CHCHD3: variants seen among roughly 807,000 people sequenced by gnomAD.
CHCHD3 encodes coiled-coil-helix-coiled-coil-helix domain containing 3, also known as MICOS complex subunit MIC19.
In CHCHD3, 20 loss-of-function variants were observed where a neutral mutation model predicts 38.2. The observed-to-expected ratio is 0.52, with a 90% CI of 0.37 to 0.76. CHCHD3 has a LOEUF of 0.76. Among genes scored for constraint, CHCHD3 ranks in the 30% least tolerant of loss-of-function variants. The pLI is 0.00. For synonymous variants in CHCHD3, 82 were observed against 100.0 expected (o/e 0.82, Z 1.07); for missense variants, 245 against 279.2 (o/e 0.88, Z 0.87).
intron 4 of CHCHD3, among the ~76,000 whole-genome samples, chr7:132,951,835 G>A (rs1183848765): frequency 1.3e-5 from 2 of 152,124 alleles, no homozygotes; most frequent in Admixed American, 6.5e-5. Context: ...GGAAACTGAA[G>A]CTCAGGTAAG....
At chr7:132,877,100 T>A (rs1183369674) in intron 5 of CHCHD3, among the ~76,000 whole-genome samples, 2 of 152,064 alleles carry the variant, frequency 1.3e-5, no homozygotes, top group East Asian at 3.9e-4. Flanking sequence ...TCCTCTAAAG[T>A]TAGACATAGA....
intron 2 of CHCHD3, among the ~76,000 whole-genome samples, chr7:133,060,360 G>A (rs1814468470): frequency 6.6e-6 from 1 of 152,166 alleles, no homozygotes; most frequent in Non-Finnish European, 1.5e-5. Flanking sequence ...GAGGAGAGGG[G>A]TGTGTAACGG....
chr7:133,067,362 G>A (rs899974440), intron 2 of CHCHD3, among the ~76,000 whole-genome samples: 1 of 152,036 alleles, frequency 6.6e-6, no homozygotes, highest in Non-Finnish European at 1.5e-5. Flanking sequence ...TTAACACCAA[G>A]AAAATGTTTT....
chr7:132,870,161 G>A (rs1219812693), intron 5 of CHCHD3, among the ~76,000 whole-genome samples: 3 of 151,668 alleles, frequency 2.0e-5, no homozygotes, highest in African/African-American at 7.3e-5. Context: ...GACCAGCTTG[G>A]GCAACGTGGC....
intron 4 of CHCHD3, among the ~76,000 whole-genome samples, chr7:132,966,636 A>T (rs1811470574): frequency 1.3e-5 from 2 of 152,214 alleles, no homozygotes; most frequent in Non-Finnish European, 2.9e-5. Flanking sequence ...GTCCATGCAC[A>T]ATAGGTTGAA....
intron 4 of CHCHD3, among the ~76,000 whole-genome samples, chr7:132,943,732 GA>G (rs781102218): frequency 4.0e-4 from 61 of 152,230 alleles, no homozygotes; most frequent in Non-Finnish European, 6.5e-4. Context: ...TGCAAACAAT[GA>G]GGGGGTCTTA....
chr7:133,079,667 T>TA (rs1815112779), intron 1 of CHCHD3, among the ~76,000 whole-genome samples: 1 of 152,186 alleles, frequency 6.6e-6, no homozygotes, highest in Admixed American at 6.5e-5. Context: ...AATAAATAAC[T>TA]AACCTGCGAT....
chr7:132,817,458 G>A (rs1326299079), intron 6 of CHCHD3, among the ~76,000 whole-genome samples: 1 of 151,566 alleles, frequency 6.6e-6, no homozygotes, highest in Admixed American at 6.6e-5. Flanking sequence ...TTCTCCTTAG[G>A]GACAAAAGGT....
intron 6 of CHCHD3, among the ~76,000 whole-genome samples, chr7:132,833,497 T>C (rs1056219556): frequency 2.0e-5 from 3 of 152,188 alleles, no homozygotes; most frequent in Admixed American, 1.3e-4. Context: ...AGAACTAACT[T>C]TGAATTTTTT....
Position 132,963,694 on chromosome 7 carries a change from T to TACACACACACACACACACAC in CHCHD3, c.369+11474_369+11475insGTGTGTGTGTGTGTGTGTGT, listed in dbSNP as rs71178068. ...TTACCCTATGCAACACAAACGATTA[T>TACACACACACACACACACAC]ACACACACACACACACACATAATCT... On this transcript the variant is annotated intron_variant, in intron 4 of 7. Coordinates refer to ENST00000262570, the MANE Select transcript of CHCHD3 (RefSeq NM_017812.4). Among the ~76,000 whole-genome samples the TACACACACACACACACACAC allele has an allele frequency of 5.0e-3, 750 of 148,894 alleles. 10 individuals are homozygous for TACACACACACACACACACAC. The highest frequency in any genetic ancestry group is 0.016 in the African/African-American group (650 of 40,136).
At chr7:133,001,834 C>T (rs1191638408) in intron 3 of CHCHD3, among the ~76,000 whole-genome samples, 2 of 152,150 alleles carry the variant, frequency 1.3e-5, no homozygotes, top group African/African-American at 4.8e-5. Flanking sequence ...CAGATGGATG[C>T]GATAGATAAT....
chr7:132,895,985 T>C (rs1394649486), intron 4 of CHCHD3, among the ~76,000 whole-genome samples: 2 of 152,166 alleles, frequency 1.3e-5, no homozygotes, highest in Non-Finnish European at 2.9e-5. Context: ...ACAAAACGGG[T>C]CATATGAATC....
At chr7:133,018,875 CTTTTTTTTTT>C (rs5887607) in intron 3 of CHCHD3, among the ~76,000 whole-genome samples, 1 of 70,150 alleles carries the variant, frequency 1.4e-5, no homozygotes, top group Non-Finnish European at 2.5e-5. Flanking sequence ...CATGATTTCT[CTTTTTTTTTT>C]TTTTTTTTTT....
intron 3 of CHCHD3, among the ~76,000 whole-genome samples, chr7:133,006,515 A>G (rs892498526): frequency 1.3e-5 from 2 of 151,976 alleles, no homozygotes; most frequent in Non-Finnish European, 2.9e-5. Context: ...AAAATTAATG[A>G]AAATACTAGC....
intron 5 of CHCHD3, among the ~76,000 whole-genome samples, chr7:132,883,037 T>A (rs374855366): frequency 2.6e-5 from 2 of 75,820 alleles, no homozygotes; most frequent in Non-Finnish European, 3.6e-5. Flanking sequence ...CCCTGCACGC[T>A]CTCTCTCTCC....
At chr7:133,041,558 CTTGAT>C (rs1279995740) in intron 2 of CHCHD3, among the ~76,000 whole-genome samples, 1 of 152,180 alleles carries the variant, frequency 6.6e-6, no homozygotes, top group East Asian at 1.9e-4. Context: ...AAGCGATGCT[CTTGAT>C]TTATTTTTCC....
intron 3 of CHCHD3, among the ~76,000 whole-genome samples, chr7:133,012,811 A>AGAGGGGAGGGGAAGG (rs1457229298): frequency 1.4e-5 from 1 of 71,106 alleles, no homozygotes; most frequent in East Asian, 5.1e-4. Flanking sequence ...GGAGGGGAAG[A>AGAGGGGAGGGGAAGG]GAGGGGAGGG....
intron 5 of CHCHD3, among the ~76,000 whole-genome samples, chr7:132,867,673 C>A (rs1458199495): frequency 2.0e-5 from 3 of 152,070 alleles, no homozygotes; most frequent in Non-Finnish European, 2.9e-5. Context: ...ATGTATCATG[C>A]ACATACAGAA....
At chr7:132,895,813 C>T (rs1455335529) in intron 4 of CHCHD3, among the ~76,000 whole-genome samples, 1 of 152,124 alleles carries the variant, frequency 6.6e-6, no homozygotes, top group Non-Finnish European at 1.5e-5. Flanking sequence ...CATAAATTAC[C>T]CAGTCTCAGG....
Sources: allele counts gnomAD v4.1 joint callset (sites outside exome capture counted in the v4.1 genomes callset), GRCh38; gene constraint gnomAD v4.1.1; transcripts MANE v1.5; gene names NCBI Gene and HGNC (gene_info 2026-07-23, HGNC 2026-07-21).